MESP1: variants seen among roughly 807,000 people sequenced by gnomAD.
The protein encoded by MESP1 is mesoderm posterior protein 1.
MESP1 carries 22 observed loss-of-function variants against 15.2 expected under a neutral mutation model. The ratio of observed to expected loss-of-function variants is 1.45; its 90% CI spans 1.04 to 2.07. The LOEUF is 2.07. MESP1 is among the 30% of genes most tolerant of loss of function. The pLI, the probability that MESP1 is intolerant of heterozygous loss-of-function variation, is 0.00. For missense variants in MESP1, 484 were observed against 411.9 expected (o/e 1.17, Z -1.51); for synonymous variants, 216 against 192.6 (o/e 1.12, Z -1.01).
At chr15:89,733,135 G>A in the MESP1 span, 1 of 1,614,178 alleles carries the variant, frequency 6.2e-7, no homozygotes, top group African/African-American at 1.3e-5. Context: ...CAAATGAAAT[G>A]TGTGGTGCTG....
the MESP1 span, among the ~76,000 whole-genome samples, chr15:89,744,400 G>A: frequency 2.6e-5 from 4 of 152,184 alleles, no homozygotes; most frequent in African/African-American, 4.8e-5. Context: ...CAACATACCT[G>A]TTGGCAGTAA....
downstream of MESP1, among the ~76,000 whole-genome samples, chr15:89,747,567 C>T (rs1363847812): frequency 6.6e-6 from 1 of 152,236 alleles, no homozygotes; most frequent in Non-Finnish European, 1.5e-5. Flanking sequence ...CCAGACCACT[C>T]CACAGTGGGG....
chr15:89,736,356 C>T, the MESP1 span, among the ~76,000 whole-genome samples: 1 of 152,162 alleles, frequency 6.6e-6, no homozygotes, highest in African/African-American at 2.4e-5. Context: ...GCCTACAGGA[C>T]CCCCAGGGGA....
chr15:89,732,451 T>A, the MESP1 span, among the ~76,000 whole-genome samples: 1 of 152,180 alleles, frequency 6.6e-6, no homozygotes, highest in Non-Finnish European at 1.5e-5. Context: ...ACTGCTAAGA[T>A]AAACACCACT....
chr15:89,733,787 A>T, the MESP1 span, among the ~76,000 whole-genome samples: 66 of 152,254 alleles, frequency 4.3e-4, 1 homozygote, highest in Middle Eastern at 3.4e-3. Flanking sequence ...GAACTGTAAG[A>T]AATAAATTCC....
At chr15:89,745,735 G>C (rs560784467), downstream of MESP1, among the ~76,000 whole-genome samples, 57 of 152,108 alleles carry the variant, frequency 3.7e-4, no homozygotes, top group African/African-American at 1.3e-3. The surrounding 1 kb of genome is among the most constrained non-coding windows in gnomAD (Gnocchi z 4.8). Context: ...CTGCCCTCCA[G>C]CCTGGGCGAA....
At chr15:89,732,930 C>A in the MESP1 span, 1 of 1,358,186 alleles carries the variant, frequency 7.4e-7, no homozygotes, top group Non-Finnish European at 1.0e-6. Flanking sequence ...CACACACTTG[C>A]TGGTCACAGC....
the MESP1 span, chr15:89,737,726 C>T: frequency 1.1e-5 from 18 of 1,614,176 alleles, no homozygotes; most frequent in Middle Eastern, 1.6e-4. Context: ...TTTCCTGCTC[C>T]GAGGTACAGA....
the MESP1 span, chr15:89,743,518 C>T: frequency 7.1e-6 from 6 of 842,210 alleles, no homozygotes; most frequent in Non-Finnish European, 9.3e-6. Flanking sequence ...GAGTCTGGGG[C>T]CTCTGCAGAG....
the MESP1 span, chr15:89,735,654 A>G: frequency 1.2e-5 from 15 of 1,244,848 alleles, no homozygotes; most frequent in Non-Finnish European, 1.8e-5. Flanking sequence ...AAGGCCTGTT[A>G]TGTGTTAGGC....
the MESP1 span, chr15:89,738,286 G>T: frequency 6.6e-7 from 1 of 1,515,332 alleles, no homozygotes; most frequent in Non-Finnish European, 8.9e-7. Context: ...GTTGTCTCTG[G>T]ATTGAGGGAT....
At chr15:89,740,497 TTTTG>T in the MESP1 span, among the ~76,000 whole-genome samples, 1 of 151,328 alleles carries the variant, frequency 6.6e-6, no homozygotes, top group Non-Finnish European at 1.5e-5. Flanking sequence ...GGTTTTTGTT[TTTTG>T]TTTTTGTTTT....
At chr15:89,743,143 C>G in the MESP1 span, 1 of 706,012 alleles carries the variant, frequency 1.4e-6, no homozygotes, top group Non-Finnish European at 2.4e-6. Flanking sequence ...TGCTGTGTAC[C>G]AGGCTGAGCC....
chr15:89,739,824 T>G, the MESP1 span, among the ~76,000 whole-genome samples: 1 of 152,286 alleles, frequency 6.6e-6, no homozygotes, highest in Non-Finnish European at 1.5e-5. Context: ...GTCTCCCCCT[T>G]TCTCTGTGTA....
chr15:89,739,793 C>T, the MESP1 span, among the ~76,000 whole-genome samples: 6 of 152,284 alleles, frequency 3.9e-5, no homozygotes, highest in East Asian at 7.7e-4. Context: ...TCTCCAATCA[C>T]CATAATGTCT....
the MESP1 span, among the ~76,000 whole-genome samples, chr15:89,733,383 AT>A: frequency 6.6e-6 from 1 of 152,092 alleles, no homozygotes; most frequent in Non-Finnish European, 1.5e-5. Flanking sequence ...ATATGTTACA[AT>A]TTTTTCTAAC....
the MESP1 span, among the ~76,000 whole-genome samples, chr15:89,737,390 G>A: frequency 1.3e-5 from 2 of 152,162 alleles, no homozygotes; most frequent in African/African-American, 4.8e-5. Context: ...TTGGCTGAGG[G>A]GGACCCCAAG....
In MESP1 at chr15:89,750,164, G is replaced by C. The variant is rs749961645; in HGVS notation, c.787C>G (p.Leu263Val). 6.2e-7 allele frequency: 1 copy of C among 1,614,052 alleles called. No individual in the cohort carries two copies. Among genetic ancestry groups the C allele is most frequent in the African/African-American group, 1.3e-5 (1 of 75,066 alleles). The change falls in exon 2 of 2, where the codon CTG becomes GTG. Residue 263 changes from leucine (L) to valine (V), a missense_variant. By Grantham distance (32) the Leu-to-Val change is conservative. Transcript: ENST00000300057. ...TWMPLSPLEWLPEEPK is the reference protein window; with the variant it reads ...TWMPLSPLEWVPEEPK ...CCTTGTCACTTGGGCTCCTCAGGCAGCCACTCCAGAGGCGAGAGGGGCATC... is the reference window on the plus strand; with the variant it reads ...CCTTGTCACTTGGGCTCCTCAGGCACCCACTCCAGAGGCGAGAGGGGCATC...
chr15:89,751,001 G>A lies in MESP1; in HGVS notation c.231C>T (p.Ser77=). 3 of 1,370,192 alleles carry A rather than the reference G, an allele frequency of 2.2e-6. No individual in the cohort carries two copies. The highest frequency in any genetic ancestry group is 2.8e-6 in the Non-Finnish European group (3 of 1,069,136). 84.9% of individuals were successfully genotyped at this position (1,370,192 alleles called of 1,614,324 possible). ...TCTGCCTCTGCCCGCTGCCCAGGCG[G>A]CTGCTGCGCGCGCCGCGCCTACCTA... The part of the protein sequence containing the change: ...PSVGRRGARS[S]RLGSGQRQSA... The change falls in exon 1 of 2, where the codon AGC becomes AGT. Residue 77 remains serine, a synonymous_variant. Transcript: ENST00000300057.
Sources: gnomAD v4.1 joint callset for allele counts (sites outside exome capture counted in the v4.1 genomes callset) on GRCh38, gnomAD v4.1.1 for gene constraint, Gnocchi (gnomAD v3.1) non-coding constraint, MANE v1.5 for transcripts, NCBI Gene and HGNC (gene_info 2026-07-23, HGNC 2026-07-21) for gene names.